Variants in MPP7 observed in about 807,000 individuals in gnomAD.
The protein encoded by MPP7 is MAGUK p55 subfamily member 7.
A neutral mutation model predicts 76.5 loss-of-function variants in MPP7; 60 were observed. The ratio of observed to expected loss-of-function variants is 0.78; its 90% CI spans 0.64 to 0.97. The LOEUF is 0.97. Ranked by LOEUF, MPP7 falls within the 50% of genes least tolerant of loss-of-function variation. The pLI is 0.00. For synonymous variants in MPP7, 237 were observed against 244.5 expected (o/e 0.97, Z 0.29); for missense variants, 641 against 694.0 (o/e 0.92, Z 0.86).
chr10:28,120,304 T>C lies in MPP7; in HGVS notation c.777A>G (p.Gly259=). ...CTTGGCTCATAATCTGAAGAATATC[T>C]CCCTTTTTGAAAGAAAGCCCAGCTT... ...CKEAGLSFKK[G]DILQIMSQDD... Residue 259 remains glycine, a synonymous_variant, in exon 10 of 17, where the codon GGA becomes GGG. Transcript: ENST00000683449. 6.2e-7 allele frequency: 1 copy of C among 1,614,016 alleles called. No individual in the cohort carries two copies.
chr10:28,115,064 G>A (rs990081126), intron 11 of MPP7, among the ~76,000 whole-genome samples: 1 of 143,954 alleles, frequency 6.9e-6, no homozygotes, highest in Non-Finnish European at 1.5e-5. Flanking sequence ...GGAAAAATAC[G>A]TTAGGTTTTT....
In MPP7 at chr10:28,053,995, T is replaced by C; in HGVS notation, c.*70A>G. 1 of 1,181,784 alleles carries C rather than the reference T, an allele frequency of 8.5e-7. No individual in the cohort carries two copies. The highest frequency in any genetic ancestry group is 1.3e-5 in the South Asian group (1 of 76,610). The allele number at this position is 1,181,784 out of a possible 1,614,324, so 73.2% of individuals were successfully genotyped here. On this transcript the variant is annotated 3_prime_UTR_variant, in exon 17 of 17. Transcript: ENST00000683449. Reference sequence around the variant, plus strand: ...GACAGTGATATAGATTTAAAAACCCTACTACCAAAACTGTAATTGATTTCA... The same window carrying C: ...GACAGTGATATAGATTTAAAAACCCCACTACCAAAACTGTAATTGATTTCA...
chr10:28,220,413 T>C (rs1439470038), intron 2 of MPP7, among the ~76,000 whole-genome samples: 3 of 152,154 alleles, frequency 2.0e-5, no homozygotes, highest in Admixed American at 1.3e-4. Context: ...TTAAAACAAT[T>C]ACAGGCTTTC....
At chr10:28,246,650 T>C (rs10826433) in intron 1 of MPP7, among the ~76,000 whole-genome samples, 30,520 of 152,064 alleles carry the variant, frequency 0.2, 3,561 homozygotes, top group East Asian at 0.55. Flanking sequence ...GCATGTCTTA[T>C]GTGGTGGCAG....
intron 2 of MPP7, among the ~76,000 whole-genome samples, chr10:28,314,555 T>C (rs1841308274): frequency 6.6e-6 from 1 of 152,216 alleles, no homozygotes; most frequent in Non-Finnish European, 1.5e-5. Flanking sequence ...CCAAACGATT[T>C]TGAGAACAAT....
At chr10:28,193,100 A>T (rs1157229644) in intron 3 of MPP7, among the ~76,000 whole-genome samples, 1 of 152,272 alleles carries the variant, frequency 6.6e-6, no homozygotes, top group Non-Finnish European at 1.5e-5. Flanking sequence ...GGTGGACAAT[A>T]GAGCTAAATG....
chr10:28,078,189 G>A (rs1184282836), intron 12 of MPP7, among the ~76,000 whole-genome samples: 3 of 152,194 alleles, frequency 2.0e-5, no homozygotes, highest in Non-Finnish European at 2.9e-5. Context: ...GTTTATGGCT[G>A]TGAATTGGAA....
chr10:28,214,982 G>C (rs747493832), intron 2 of MPP7, among the ~76,000 whole-genome samples: 1 of 151,996 alleles, frequency 6.6e-6, no homozygotes, highest in Non-Finnish European at 1.5e-5. Flanking sequence ...CCCTGCACTC[G>C]ATGGATCAGC....
intron 2 of MPP7, among the ~76,000 whole-genome samples, chr10:28,224,996 T>C (rs559764019): frequency 2.6e-5 from 4 of 152,286 alleles, no homozygotes; most frequent in Admixed American, 2.6e-4. Flanking sequence ...TAGTAACTTT[T>C]AAATAAAGAA....
At chr10:28,111,912 G>A (rs1052889492) in intron 11 of MPP7, among the ~76,000 whole-genome samples, 1 of 152,098 alleles carries the variant, frequency 6.6e-6, no homozygotes, top group Admixed American at 6.6e-5. Flanking sequence ...AGAGCAAATA[G>A]GAGTGATCAG....
intron 1 of MPP7, among the ~76,000 whole-genome samples, chr10:28,285,914 G>A (rs1840780040): frequency 1.3e-5 from 2 of 151,692 alleles, no homozygotes; most frequent in South Asian, 4.1e-4. Context: ...CTTTCTTCAT[G>A]TTCTCTTTGT....
intron 1 of MPP7, among the ~76,000 whole-genome samples, chr10:28,285,568 C>T (rs1044432471): frequency 2.6e-5 from 4 of 152,206 alleles, no homozygotes; most frequent in Admixed American, 6.5e-5. Context: ...ATAACTAAAA[C>T]AGGAAAACAA....
At chr10:28,168,757 A>G (rs1408217830) in intron 3 of MPP7, among the ~76,000 whole-genome samples, 1 of 152,094 alleles carries the variant, frequency 6.6e-6, no homozygotes, top group African/African-American at 2.4e-5. Context: ...TGACTTTGTG[A>G]TCTGCCCACC....
At chr10:28,172,853 T>C (rs540387905) in intron 3 of MPP7, among the ~76,000 whole-genome samples, 112 of 152,314 alleles carry the variant, frequency 7.4e-4, no homozygotes, top group Non-Finnish European at 1.3e-3. Flanking sequence ...GGTTATTTTG[T>C]TGAATGAGTG....
intron 3 of MPP7, among the ~76,000 whole-genome samples, chr10:28,154,473 A>T (rs899596733): frequency 6.6e-6 from 1 of 152,340 alleles, no homozygotes; most frequent in East Asian, 1.9e-4. Flanking sequence ...TGTTTGCAAC[A>T]TCTCTACACA....
chr10:28,321,191 T>C (rs575631933), intron 2 of MPP7, among the ~76,000 whole-genome samples: 131 of 152,200 alleles, frequency 8.6e-4, no homozygotes, highest in African/African-American at 2.9e-3. Flanking sequence ...AAAATAGAAA[T>C]TAGGATATAT....
chr10:28,195,389 T>C (rs888543090), intron 3 of MPP7, among the ~76,000 whole-genome samples: 1 of 152,164 alleles, frequency 6.6e-6, no homozygotes, highest in Non-Finnish European at 1.5e-5. Context: ...CTCTCCTAGA[T>C]ACATACCCAG....
intron 3 of MPP7, among the ~76,000 whole-genome samples, chr10:28,197,082 G>C (rs1837609371): frequency 2.0e-5 from 3 of 151,950 alleles, no homozygotes; most frequent in Admixed American, 1.3e-4. Flanking sequence ...CCTAAAGGTG[G>C]ATTGTTCGCT....
intron 2 of MPP7, among the ~76,000 whole-genome samples, chr10:28,206,222 T>A (rs559080340): frequency 6.6e-6 from 1 of 152,160 alleles, no homozygotes; most frequent in East Asian, 1.9e-4. Flanking sequence ...TCACTGGAGA[T>A]ACAACTTATA....
Sources: allele counts gnomAD v4.1 joint callset (sites outside exome capture counted in the v4.1 genomes callset), GRCh38; gene constraint gnomAD v4.1.1; transcripts MANE v1.5; gene names NCBI Gene and HGNC (gene_info 2026-07-23, HGNC 2026-07-21).